Variants in DCUN1D2 observed in about 807,000 individuals in gnomAD.
DCUN1D2 encodes the protein defective in cullin neddylation 1 domain containing 2.
In DCUN1D2, 29 loss-of-function variants were observed where a neutral mutation model predicts 30.9. The ratio of observed to expected loss-of-function variants is 0.94; its 90% confidence interval spans 0.70 to 1.28. The LOEUF is 1.28. DCUN1D2 is among the 50% of genes most tolerant of loss of function. The pLI is 0.00. For missense variants in DCUN1D2, 325 were observed against 316.9 expected, an observed-to-expected ratio of 1.03 and a Z score of -0.19; for synonymous variants, 121 against 115.3, an observed-to-expected ratio of 1.05 and a Z score of -0.32.
intron 4 of DCUN1D2, among the ~76,000 whole-genome samples, chr13:113,465,507 A>C (rs2044386500): frequency 6.6e-6 from 1 of 151,530 alleles, no homozygotes; most frequent in South Asian, 2.1e-4. Flanking sequence ...AGTAAAAAAA[A>C]AAAAACAAAC....
At chr13:113,472,029 C>A (rs1003431846) in intron 4 of DCUN1D2, among the ~76,000 whole-genome samples, 2 of 152,106 alleles carry the variant, frequency 1.3e-5, no homozygotes, top group Non-Finnish European at 2.9e-5. Context: ...TGTATTACCC[C>A]CCCAACCCCG....
chr13:113,491,047 G>A (rs953957936), upstream of DCUN1D2: 3 of 157,902 alleles, frequency 1.9e-5, no homozygotes, highest in East Asian at 1.8e-4. Context: ...TTGGCTGAGC[G>A]GGGGCGGTGC....
intron 4 of DCUN1D2, among the ~76,000 whole-genome samples, chr13:113,468,039 A>C (rs1043043845): frequency 1.6e-4 from 19 of 120,390 alleles, no homozygotes; most frequent in African/African-American, 7.0e-4. Flanking sequence ...GCGAGGATCC[A>C]TCTTAAAAAA....
rs949968841 is a variant in DCUN1D2 at position 113,490,228 on chromosome 13, A to G, written c.3+439T>C. Among the ~76,000 whole-genome samples the G allele has an allele frequency of 6.6e-6, 1 of 152,004 alleles. No individual in the cohort carries two copies. The highest frequency in any genetic ancestry group is 1.9e-4 in the East Asian group (1 of 5,166). ...CAGCAGGGCCTCCCCCGCGAATCTG[A>G]GCTTCTCGCGGATTCCTTCCTTGCG... is the stretch of plus-strand genomic sequence containing the variant. On this transcript the variant is annotated intron_variant, in intron 1 of 6. Transcript: ENST00000478244. This position sits in a 1 kb window ranked among gnomAD's most constrained non-coding sequence, Gnocchi z 5.2.
intron 2 of DCUN1D2, 130 bp downstream of exon 2, chr13:113,483,710 G>C: frequency 1.2e-6 from 1 of 821,090 alleles, no homozygotes; most frequent in East Asian, 2.5e-5. Context: ...TGAGCGCCGA[G>C]CGCTGAGCGT....
rs1595561322 is a variant in DCUN1D2 at position 113,455,952 on chromosome 13, T to C, written c.*2077A>G. Reference sequence around the variant, plus strand: ...CCAATGATTAATATTTTGATATCTATTGACAATCCCTTAGAACTTTAAATC... The same window carrying C: ...CCAATGATTAATATTTTGATATCTACTGACAATCCCTTAGAACTTTAAATC... On this transcript the variant is annotated 3_prime_UTR_variant, in exon 7 of 7. Transcript: ENST00000478244. 2 of 355,158 alleles carry C rather than the reference T, an allele frequency of 5.6e-6. No individual in the cohort carries two copies. The highest frequency in any genetic ancestry group is 2.1e-5 in the African/African-American group (1 of 47,900). 22.0% of individuals were successfully genotyped at this position (355,158 alleles called of 1,614,324 possible).
intron 2 of DCUN1D2, among the ~76,000 whole-genome samples, chr13:113,481,756 C>T (rs1049314805): frequency 5.9e-5 from 9 of 151,968 alleles, no homozygotes; most frequent in East Asian, 1.9e-4. Context: ...GGGTGGCTCA[C>T]GCCTATAGTC....
chr13:113,463,409 T>C (rs1259890980), intron 4 of DCUN1D2, among the ~76,000 whole-genome samples: 5 of 151,978 alleles, frequency 3.3e-5, no homozygotes, highest in Non-Finnish European at 5.9e-5. Context: ...TTCTCAAAGC[T>C]GGCCGGGCAC....
At chr13:113,469,552 G>T (rs1219079845) in intron 4 of DCUN1D2, among the ~76,000 whole-genome samples, 1 of 152,202 alleles carries the variant, frequency 6.6e-6, no homozygotes, top group Non-Finnish European at 1.5e-5. Context: ...CACAGTCTGC[G>T]TGCCTACAGT....
intron 5 of DCUN1D2, 152 bp from the exon 6 acceptor site, chr13:113,459,560 T>A (rs1374105248): frequency 5.9e-6 from 3 of 505,748 alleles, no homozygotes; most frequent in African/African-American, 5.7e-5. Context: ...GCGTTCTGTA[T>A]AAATGTTAAG....
chr13:113,476,318 G>A (rs550776014), intron 3 of DCUN1D2, among the ~76,000 whole-genome samples: 35 of 152,264 alleles, frequency 2.3e-4, no homozygotes, highest in Non-Finnish European at 4.1e-4. Context: ...CCCCCTCCAC[G>A]CATTTGCACT....
chr13:113,483,756 C>G, intron 2 of DCUN1D2, 84 bp downstream of exon 2: 2 of 1,396,348 alleles, frequency 1.4e-6, no homozygotes, highest in Non-Finnish European at 2.0e-6. Context: ...GAGACCTGCC[C>G]CGGCACCAGA....
chr13:113,490,376 C>T lies in DCUN1D2; in HGVS notation c.3+291G>A, dbSNP rs2044931035. 1.0e-5 allele frequency: 3 copies of T among 299,128 alleles called. No homozygotes were observed. Among genetic ancestry groups the T allele is most frequent in the Non-Finnish European group, 1.8e-5 (3 of 162,674 alleles). 18.5% of individuals were successfully genotyped at this position (299,128 alleles called of 1,614,324 possible). A position where few individuals can be genotyped will look rare whatever the true frequency, so the allele number is the denominator to read the frequency against. The stretch of plus-strand genomic sequence containing the variant: ...GCCCCCGGCCTGGGTTCCCGCTCGG[C>T]CCCGGCCCCTGCCCCAAGGCCCCTA... On this transcript the variant is annotated intron_variant, in intron 1 of 6. Transcript: ENST00000478244. This position sits in a 1 kb window ranked among gnomAD's most constrained non-coding sequence, Gnocchi z 5.2.
rs12323098 is a variant in DCUN1D2 at position 113,464,033 on chromosome 13, T to C, written c.521-2897A>G. ...GGCTATAGTCATAAAATTACTCTTC[T>C]TGCTTTATTTCTGTTTTTAAAAAGC... is the stretch of plus-strand genomic sequence containing the variant. On this transcript the variant is annotated intron_variant, in intron 4 of 6. Transcript: ENST00000478244. 1.0e-3 allele frequency among the ~76,000 whole-genome samples: 155 copies of C among 152,388 alleles called. 1 individual carries two copies. The highest frequency in any genetic ancestry group is 3.4e-3 in the African/African-American group (143 of 41,594).
chr13:113,458,712 C>T (rs1278032499), intron 6 of DCUN1D2, among the ~76,000 whole-genome samples: 2 of 152,200 alleles, frequency 1.3e-5, no homozygotes, highest in African/African-American at 4.8e-5. Flanking sequence ...GGCAGACAGA[C>T]ACGTAAACCA....
intron 4 of DCUN1D2, among the ~76,000 whole-genome samples, chr13:113,468,043 T>TAAA (rs59075073): frequency 4.1e-5 from 4 of 97,166 alleles, no homozygotes; most frequent in Non-Finnish European, 4.1e-5. Context: ...GGATCCATCT[T>TAAA]AAAAAAAAAA....
chr13:113,458,455 C>T (rs1396721120), intron 6 of DCUN1D2, among the ~76,000 whole-genome samples: 2 of 152,218 alleles, frequency 1.3e-5, no homozygotes, highest in South Asian at 2.1e-4. Flanking sequence ...CATTGGTATT[C>T]TTGCCAGCAG....
intron 4 of DCUN1D2, among the ~76,000 whole-genome samples, chr13:113,464,725 A>G (rs1165987030): frequency 6.6e-6 from 1 of 152,244 alleles, no homozygotes; most frequent in Non-Finnish European, 1.5e-5. Flanking sequence ...GGAGAGCAGC[A>G]CGGATGGAAG....
At chr13:113,462,762 C>A in intron 4 of DCUN1D2, 1 of 1,064,408 alleles carries the variant, frequency 9.4e-7, no homozygotes, top group Non-Finnish European at 1.1e-6. Context: ...CAGTAAAATG[C>A]TAAGAAGATG....
Sources: gnomAD v4.1 joint callset for allele counts (sites outside exome capture counted in the v4.1 genomes callset) on GRCh38, gnomAD v4.1.1 for gene constraint, Gnocchi (gnomAD v3.1) non-coding constraint, MANE v1.5 for transcripts, NCBI Gene and HGNC (gene_info 2026-07-23, HGNC 2026-07-21) for gene names.